Variants in ADAMTSL3 observed in about 807,000 individuals in gnomAD.
ADAMTSL3 encodes the protein ADAMTS-like protein 3.
In ADAMTSL3, 128 loss-of-function variants were observed where a neutral mutation model predicts 201.7. That is an observed-to-expected ratio of 0.63 (90% CI 0.55 to 0.73). The LOEUF is 0.73. Ranked by LOEUF, ADAMTSL3 falls within the 30% of genes least tolerant of loss-of-function variation. The pLI is 0.00. For synonymous variants in ADAMTSL3, 738 were observed against 748.4 expected (o/e 0.99, Z 0.23); for missense variants, 1,990 against 2,119.6 (o/e 0.94, Z 1.20).
rs11259927 is a variant in ADAMTSL3 at position 83,897,792 on chromosome 15, C to T, written c.1468-66C>T. 0.24 allele frequency: 360,372 copies of T among 1,490,046 alleles called. 47,531 individuals are homozygous for T. Among genetic ancestry groups the T allele is most frequent in the Admixed American group, 0.5 (22,880 of 45,488 alleles). 92.3% of individuals were successfully genotyped at this position (1,490,046 alleles called of 1,614,324 possible). ...TAGTTCAATGGCTCTCCTTTGCATT[C>T]GATAAAATAATGCCTTTGTGGTTCT... On this transcript the variant is annotated intron_variant, in intron 13 of 29. Coordinates refer to ENST00000286744, the MANE Select transcript of ADAMTSL3 (RefSeq NM_207517.3).
intron 3 of ADAMTSL3, among the ~76,000 whole-genome samples, chr15:83,704,962 G>A: frequency 9.4e-6 from 1 of 106,564 alleles, no homozygotes; most frequent in South Asian, 3.8e-4. Context: ...GCATATGTCT[G>A]TGAGTGTGTG....
chr15:83,898,155 G>A, intron 14 of ADAMTSL3, 150 bp downstream of exon 14: 1 of 885,932 alleles, frequency 1.1e-6, no homozygotes, highest in South Asian at 2.1e-5. Context: ...AGATAAAGAA[G>A]TTAGATATAT....
At chr15:83,787,344 A>C (rs1462830367) in intron 4 of ADAMTSL3, among the ~76,000 whole-genome samples, 1 of 152,298 alleles carries the variant, frequency 6.6e-6, no homozygotes, top group South Asian at 2.1e-4. Context: ...TATGGTATAA[A>C]TTTAATACAT....
At chr15:83,805,620 A>G (rs534918191) in intron 5 of ADAMTSL3, among the ~76,000 whole-genome samples, 2 of 152,306 alleles carry the variant, frequency 1.3e-5, no homozygotes, top group African/African-American at 2.4e-5. Context: ...AATCCATTCT[A>G]TTTTCCATTC....
At chr15:83,795,263 G>GCAACAACAA (rs58698546) in intron 4 of ADAMTSL3, among the ~76,000 whole-genome samples, 9 of 150,894 alleles carry the variant, frequency 6.0e-5, no homozygotes, top group South Asian at 2.1e-4. Context: ...AACAGCAGCA[G>GCAACAACAA]CAACAACAAC....
Position 83,662,620 on chromosome 15 carries a change from C to T in ADAMTSL3, c.69+6790C>T, listed in dbSNP as rs147144030. The stretch of plus-strand genomic sequence containing the variant: ...AGAAAGAAAAAAAAAAAGTTCAGTT[C>T]ATTTAAAGTTTTGATTCTCAACTTG... On this transcript the variant is annotated intron_variant, in intron 2 of 29. Coordinates refer to ENST00000286744, the MANE Select transcript of ADAMTSL3 (RefSeq NM_207517.3). Among the ~76,000 whole-genome samples, 3 of 150,112 alleles carry T rather than the reference C, an allele frequency of 2.0e-5. No homozygotes were observed. The East Asian group carries it at 5.9e-4, about 29-fold the overall frequency.
At chr15:83,706,880 G>T (rs2061860046) in intron 3 of ADAMTSL3, among the ~76,000 whole-genome samples, 2 of 151,558 alleles carry the variant, frequency 1.3e-5, no homozygotes, top group Non-Finnish European at 1.5e-5. Flanking sequence ...TGTTGACCAG[G>T]TTGGCCTCAA....
At chr15:84,004,706 T>G (rs2067861333) in intron 23 of ADAMTSL3, among the ~76,000 whole-genome samples, 1 of 152,198 alleles carries the variant, frequency 6.6e-6, no homozygotes, top group South Asian at 2.1e-4. Flanking sequence ...CAACAATTGA[T>G]GCCTCAGTGT....
chr15:83,862,607 C>T (rs928971234), intron 8 of ADAMTSL3: 2 of 152,204 alleles, frequency 1.3e-5, no homozygotes, highest in African/African-American at 4.8e-5. Context: ...CCTAAAAGAG[C>T]TCCTGAAGGA....
intron 20 of ADAMTSL3, among the ~76,000 whole-genome samples, chr15:83,980,086 A>AT (rs578115094): frequency 1.3e-5 from 2 of 152,146 alleles, no homozygotes; most frequent in East Asian, 1.9e-4. Flanking sequence ...TTTGAGAGCC[A>AT]TTTTTTTTAG....
Position 83,983,068 on chromosome 15 carries a change from C to T in ADAMTSL3, c.3440C>T (p.Pro1147Leu). 1.2e-6 allele frequency: 2 copies of T among 1,614,140 alleles called. No homozygotes were observed. The highest frequency in any genetic ancestry group is 1.1e-5 in the South Asian group (1 of 91,084). ...CGGGGCATCCAGGAAGAGACACCTC[C>T]TGCTGCTCAGCTCAGAGGGGAAACA... ...QWRGIQEETP[P>L]AAQLRGETGS... Residue 1147 changes from proline to leucine, a missense_variant, in exon 21 of 30, where the codon CCT (proline) becomes CTT (leucine). Pro to Leu is a moderately conservative substitution (Grantham distance 98, BLOSUM62 -3). Coordinates refer to ENST00000286744, the MANE Select transcript of ADAMTSL3 (RefSeq NM_207517.3).
chr15:83,752,839 T>G (rs1025211289), intron 3 of ADAMTSL3, among the ~76,000 whole-genome samples: 2 of 152,226 alleles, frequency 1.3e-5, no homozygotes, highest in African/African-American at 4.8e-5. Flanking sequence ...TCTTTTCCTC[T>G]GCCAAAATTA....
intron 26 of ADAMTSL3, among the ~76,000 whole-genome samples, chr15:84,024,205 G>A (rs940980757): frequency 2.0e-4 from 30 of 152,286 alleles, no homozygotes; most frequent in African/African-American, 6.7e-4. Flanking sequence ...GGAGTGAGCC[G>A]AGGTTGCGCC....
At chr15:83,782,327 A>C (rs2063184189) in intron 4 of ADAMTSL3, among the ~76,000 whole-genome samples, 1 of 152,020 alleles carries the variant, frequency 6.6e-6, no homozygotes, top group South Asian at 2.1e-4. Flanking sequence ...AAATACAAAA[A>C]TTAGCCGGGC....
chr15:83,901,558 A>G (rs896590342), intron 15 of ADAMTSL3, among the ~76,000 whole-genome samples: 10 of 152,210 alleles, frequency 6.6e-5, no homozygotes, highest in African/African-American at 2.4e-4. Flanking sequence ...AAAGAAGAAA[A>G]CGGAGCAATG....
At chr15:84,006,485 G>T (rs200035816) in intron 23 of ADAMTSL3, among the ~76,000 whole-genome samples, 1 of 152,172 alleles carries the variant, frequency 6.6e-6, no homozygotes, top group Non-Finnish European at 1.5e-5. Context: ...AAGGAAATTT[G>T]TTTTTAAACA....
chr15:84,014,694 G>A lies in ADAMTSL3; in HGVS notation c.4126G>A (p.Ala1376Thr). ...CATAGCCACCAATGCTCTTGGAAAG[G>A]CAGTGGCAACATCTGTACTCCACTT... ...VCIATNALGK[A>T]VATSVLHLLE... Residue 1376 changes from alanine (A) to threonine (T), a missense_variant, in exon 24 of 30, where the codon GCA (alanine) becomes ACA (threonine). Transcript: ENST00000286744. 2 of 1,610,858 alleles carry A rather than the reference G, an allele frequency of 1.2e-6. No individual in the cohort carries two copies. Among genetic ancestry groups the A allele is most frequent in the Non-Finnish European group, 1.7e-6 (2 of 1,179,164 alleles).
At chr15:83,730,040 A>T (rs769961518) in intron 3 of ADAMTSL3, among the ~76,000 whole-genome samples, 12 of 152,056 alleles carry the variant, frequency 7.9e-5, no homozygotes, top group Non-Finnish European at 1.6e-4. Flanking sequence ...CTACCTTGGC[A>T]AAATCCACTG....
chr15:83,983,290 G>T lies in ADAMTSL3; in HGVS notation c.3662G>T (p.Ser1221Ile). 1 of 1,599,760 alleles carries T rather than the reference G, an allele frequency of 6.3e-7. No homozygotes were observed. Among genetic ancestry groups the T allele is most frequent in the Non-Finnish European group, 8.5e-7 (1 of 1,173,242 alleles). Residue 1221 changes from serine to isoleucine, a missense_variant, in exon 21 of 30, where the codon AGT becomes ATT. Coordinates refer to ENST00000286744, the MANE Select transcript of ADAMTSL3 (RefSeq NM_207517.3). ...INILCDLITP[S>I]EATYTWTKDG... ...ATACTGTGTGACCTTATTACCCCCA[G>T]TGAGGCCACATATACATGGACCAAG...
Sources: allele counts gnomAD v4.1 joint callset (sites outside exome capture counted in the v4.1 genomes callset), GRCh38; gene constraint gnomAD v4.1.1; transcripts MANE v1.5; gene names NCBI Gene and HGNC (gene_info 2026-07-23, HGNC 2026-07-21).